Variants in TARS2 observed in about 807,000 individuals in gnomAD.
The protein encoded by TARS2 is threonine--tRNA ligase, mitochondrial.
In TARS2, 61 loss-of-function variants were observed where a neutral mutation model predicts 94.4. The ratio of observed to expected loss-of-function variants is 0.65; its 90% CI spans 0.53 to 0.80. The LOEUF is 0.80. Among genes scored for constraint, TARS2 ranks in the 30% least tolerant of loss-of-function variants. The pLI, the probability that TARS2 is intolerant of heterozygous loss-of-function variation, is 0.00. For missense variants in TARS2, 704 were observed against 902.5 expected, an observed-to-expected ratio of 0.78 and a Z score of 2.82; for synonymous variants, 359 against 353.4, an observed-to-expected ratio of 1.02 and a Z score of -0.18.
chr1:150,507,280 A>T lies in TARS2; in HGVS notation c.*216A>T, dbSNP rs1421362231. 2 of 588,876 alleles carry T rather than the reference A, an allele frequency of 3.4e-6. No homozygotes were observed. The highest frequency in any genetic ancestry group is 3.7e-5 in the African/African-American group (2 of 53,380). 36.5% of individuals were successfully genotyped at this position (588,876 alleles called of 1,614,324 possible). ...GAGGAGAATGAAACTACAAAAAAAA[A>T]TAAATTGGGCCAGGCGCAGTGGCTC... On this transcript the variant is annotated 3_prime_UTR_variant, in exon 18 of 18. Coordinates refer to ENST00000369064, the MANE Select transcript of TARS2 (RefSeq NM_025150.5).
chr1:150,503,409 C>T (rs1392534723), intron 13 of TARS2, among the ~76,000 whole-genome samples: 3 of 151,824 alleles, frequency 2.0e-5, no homozygotes, highest in South Asian at 2.1e-4. Flanking sequence ...TTGTCATGGC[C>T]GGGTGTGGTG....
chr1:150,488,917 C>T, intron 2 of TARS2, 47 bp from the exon 3 acceptor site: 2 of 1,585,788 alleles, frequency 1.3e-6, no homozygotes, highest in Non-Finnish European at 1.7e-6. Flanking sequence ...CCTTTTTGTG[C>T]CTTGTAACCC....
At chr1:150,505,835 C>A in intron 17 of TARS2, 130 bp downstream of exon 17, 3 of 784,638 alleles carry the variant, frequency 3.8e-6, no homozygotes, top group Non-Finnish European at 6.1e-6. Flanking sequence ...AGCCAGGATT[C>A]AGGACACCTG....
chr1:150,502,776 C>T (rs1173540053), intron 13 of TARS2, among the ~76,000 whole-genome samples: 1 of 152,012 alleles, frequency 6.6e-6, no homozygotes, highest in Non-Finnish European at 1.5e-5. Flanking sequence ...TTTTTATGTC[C>T]CAAGTGTTTA....
chr1:150,496,364 G>A lies in TARS2; in HGVS notation c.775-118G>A. 10 of 1,208,410 alleles carry A rather than the reference G, an allele frequency of 8.3e-6. No homozygotes were observed. In the Admixed American group the frequency reaches 2.3e-4, roughly 28 times the overall value. The allele number at this position is 1,208,410 out of a possible 1,614,324, so 74.9% of individuals were successfully genotyped here. A position where few individuals can be genotyped will look rare whatever the true frequency, so the allele number is the denominator to read the frequency against. The stretch of plus-strand genomic sequence containing the variant: ...GATGGAGGTGTTCATCCTACTGGTG[G>A]GATTGTTGTCAAGAGGCATACCTGT... On this transcript the variant is annotated intron_variant, in intron 7 of 17. Transcript: ENST00000369064.
In TARS2 at chr1:150,500,615, G is replaced by A. The variant is rs587714645; in HGVS notation, c.1617+1322G>A. The stretch of plus-strand genomic sequence containing the variant: ...AGTAAAAATAAAACAGGCTGGGGGC[G>A]GTGGCTCACGCCTATAATCCCAGCA... On this transcript the variant is annotated intron_variant, in intron 13 of 17. Coordinates refer to ENST00000369064, the MANE Select transcript of TARS2 (RefSeq NM_025150.5). 1.5e-3 allele frequency among the ~76,000 whole-genome samples: 234 copies of A among 151,742 alleles called. 1 individual carries two copies. Among genetic ancestry groups the A allele is most frequent in the African/African-American group, 4.9e-3 (201 of 41,318 alleles).
Position 150,504,429 on chromosome 1 carries a change from A to G in TARS2, c.1712A>G (p.Tyr571Cys). ...CTGCCCCTGAGATTTGACCTCCAGT[A>G]TAAGGGGTATAAAACCTTGCCCTAT... ...FQLPLRFDLQ[Y>C]KGQAGALERP... is the part of the protein sequence containing the mutation. Residue 571 changes from tyrosine to cysteine, a missense_variant, in exon 14 of 18, where the codon TAT becomes TGT. By Grantham distance (194) the Tyr-to-Cys change is radical. This residue lies in a region of TARS2 where 466 missense variants were observed against 609.5 expected (regional missense o/e 0.76). Transcript: ENST00000369064. The G allele has an allele frequency of 6.2e-7, 1 of 1,614,040 alleles. No individual in the cohort carries two copies. The highest frequency in any genetic ancestry group is 8.5e-7 in the Non-Finnish European group (1 of 1,179,968).
At position 150,491,588 on chromosome 1, in the gene TARS2, CT is replaced by C; in HGVS notation, c.631-5del. 1 of 1,614,038 alleles carries C rather than the reference CT, an allele frequency of 6.2e-7. No individual in the cohort carries two copies. Among genetic ancestry groups the C allele is most frequent in the South Asian group, 1.1e-5 (1 of 91,066 alleles). On this transcript the variant is annotated splice_polypyrimidine_tract_variant and intron_variant, in intron 5 of 17. Transcript: ENST00000369064. ...CACTTTTCTTCAATCTCCCTTCTAC[CT>C]TTTTCCAGGATAACCCCTTTAAGCT... is the stretch of plus-strand genomic sequence containing the variant.
Position 150,506,908 on chromosome 1 carries a change from A to G in TARS2, c.2009-8A>G, listed in dbSNP as rs1036506667. The stretch of plus-strand genomic sequence containing the variant: ...GCCCTGAGGTTCCCAAACTTCCTCT[A>G]CCTGCAGTGGTTGGCCAGAAAGAGC... On this transcript the variant is annotated splice_polypyrimidine_tract_variant and splice_region_variant and intron_variant, in intron 17 of 17. Coordinates refer to ENST00000369064, the MANE Select transcript of TARS2 (RefSeq NM_025150.5). 2 of 1,613,680 alleles carry G rather than the reference A, an allele frequency of 1.2e-6. No homozygotes were observed. The highest frequency in any genetic ancestry group is 1.3e-5 in the African/African-American group (1 of 74,838).
intron 13 of TARS2, among the ~76,000 whole-genome samples, chr1:150,502,601 C>T (rs1268542586): frequency 6.6e-6 from 1 of 152,070 alleles, no homozygotes; most frequent in Non-Finnish European, 1.5e-5. Context: ...GTTGGCCAGG[C>T]TGGTCTCGAA....
At chr1:150,503,573 G>A (rs77945800) in intron 13 of TARS2, among the ~76,000 whole-genome samples, 39,242 of 126,400 alleles carry the variant, frequency 0.31, 6,435 homozygotes, top group Non-Finnish European at 0.36. Context: ...GTGTGTGTGT[G>A]TGTGTATATA....
chr1:150,489,282 C>A, intron 3 of TARS2, 195 bp downstream of exon 3: 1 of 733,084 alleles, frequency 1.4e-6, no homozygotes, highest in Non-Finnish European at 2.3e-6. Context: ...ATCTATTAAG[C>A]AAACATTTGT....
chr1:150,505,192 A>C (rs587594267), intron 16 of TARS2, among the ~76,000 whole-genome samples: 2 of 152,364 alleles, frequency 1.3e-5, no homozygotes, highest in Non-Finnish European at 2.9e-5. Flanking sequence ...TATGAAAATT[A>C]AACAAATTAA....
At chr1:150,501,322 TTTTTTTTTTTA>T (rs1560255343) in intron 13 of TARS2, among the ~76,000 whole-genome samples, 53 of 107,782 alleles carry the variant, frequency 4.9e-4, no homozygotes, top group South Asian at 1.5e-3. Flanking sequence ...TTTTTTTTTT[TTTTTTTTTTTA>T]TTGAGACTAT....
chr1:150,502,562 C>G (rs1046115971), intron 13 of TARS2, among the ~76,000 whole-genome samples: 9 of 151,664 alleles, frequency 5.9e-5, no homozygotes, highest in Non-Finnish European at 1.5e-5. Flanking sequence ...TTTTTGTATT[C>G]CCTTTTTTAG....
chr1:150,498,488 C>T lies in TARS2; in HGVS notation c.1239-14C>T, dbSNP rs188574280. ...CCTCCCTATGGCCCTGACCCCTCTG[C>T]ACCCCAACCTCAGCCTGATGTTCGC... is the stretch of plus-strand genomic sequence containing the variant. On this transcript the variant is annotated splice_polypyrimidine_tract_variant and intron_variant, in intron 10 of 17. Transcript: ENST00000369064. 310 of 1,559,478 alleles carry T rather than the reference C, an allele frequency of 2.0e-4. No homozygotes were observed. The African/African-American group carries it at 3.7e-3, about 19-fold the overall frequency.
chr1:150,501,631 C>T (rs763174564), intron 13 of TARS2, among the ~76,000 whole-genome samples: 25 of 151,502 alleles, frequency 1.7e-4, no homozygotes, highest in Admixed American at 7.2e-4. Flanking sequence ...CCACTGCGCC[C>T]GACCGTCTCT....
intron 9 of TARS2, 108 bp from the exon 10 acceptor site, chr1:150,497,422 T>C (rs1267415758): frequency 2.1e-6 from 2 of 956,506 alleles, no homozygotes; most frequent in East Asian, 2.4e-5. Flanking sequence ...TAATAGGTTG[T>C]GGTTGCAATC....
At chr1:150,501,324 TTTTTTTTTA>T (rs1444613388) in intron 13 of TARS2, among the ~76,000 whole-genome samples, 8 of 106,342 alleles carry the variant, frequency 7.5e-5, no homozygotes, top group African/African-American at 1.9e-4. Flanking sequence ...TTTTTTTTTT[TTTTTTTTTA>T]TTGAGACTAT....
Sources: allele counts gnomAD v4.1 joint callset (sites outside exome capture counted in the v4.1 genomes callset), GRCh38; gene constraint gnomAD v4.1.1; regional missense constraint gnomAD v4.1.1; transcripts MANE v1.5; gene names NCBI Gene and HGNC (gene_info 2026-07-23, HGNC 2026-07-21).